Variants in LRBA observed in about 807,000 individuals in gnomAD.
LRBA encodes the protein lipopolysaccharide-responsive and beige-like anchor protein.
In LRBA, 176 loss-of-function variants were observed where a neutral mutation model predicts 330.0. The ratio of observed to expected loss-of-function variants is 0.53; its 90% CI spans 0.47 to 0.60. The LOEUF (loss-of-function observed/expected upper bound fraction) is 0.60, where lower values mean the gene tolerates loss of function less well. Among genes scored for constraint, LRBA ranks in the 20% least tolerant of loss-of-function variants. The pLI is 0.00. For missense variants in LRBA, 3,259 were observed against 3,444.8 expected (o/e 0.95, Z 1.35); for synonymous variants, 1,230 against 1,193.0 (o/e 1.03, Z -0.64).
At chr4:150,681,142 T>C (rs1200908264) in intron 37 of LRBA, among the ~76,000 whole-genome samples, 1 of 152,248 alleles carries the variant, frequency 6.6e-6, no homozygotes, top group African/African-American at 2.4e-5. Flanking sequence ...ATATTTCTTT[T>C]AGCAGGCTTA....
At chr4:150,361,171 C>T (rs1439548398) in intron 47 of LRBA, among the ~76,000 whole-genome samples, 1 of 152,164 alleles carries the variant, frequency 6.6e-6, no homozygotes, top group Non-Finnish European at 1.5e-5. Context: ...TCTCTGTCTA[C>T]TCCTAGAGAT....
At chr4:150,306,162 G>A (rs550086329) in intron 52 of LRBA, among the ~76,000 whole-genome samples, 1 of 152,116 alleles carries the variant, frequency 6.6e-6, no homozygotes, top group Non-Finnish European at 1.5e-5. Context: ...CCAGGGGAAG[G>A]TTTTATTGTT....
chr4:150,585,047 T>C (rs1771922326), intron 40 of LRBA, among the ~76,000 whole-genome samples: 1 of 152,204 alleles, frequency 6.6e-6, no homozygotes, highest in Non-Finnish European at 1.5e-5. Context: ...TGTGCTTTCT[T>C]ATGCCATAAT....
intron 35 of LRBA, among the ~76,000 whole-genome samples, chr4:150,740,404 T>C (rs1731786581): frequency 1.3e-5 from 2 of 151,970 alleles, no homozygotes; most frequent in African/African-American, 4.8e-5. Context: ...AGTTAGTTAT[T>C]TGAAATACTG....
At chr4:150,537,530 A>T (rs1435687640) in intron 40 of LRBA, among the ~76,000 whole-genome samples, 1 of 152,240 alleles carries the variant, frequency 6.6e-6, no homozygotes, top group East Asian at 1.9e-4. Flanking sequence ...GAAACTATCA[A>T]CCAAGTAAAC....
intron 48 of LRBA, among the ~76,000 whole-genome samples, chr4:150,341,976 C>A (rs947791626): frequency 6.6e-6 from 1 of 151,282 alleles, no homozygotes; most frequent in Non-Finnish European, 1.5e-5. Context: ...AAGGAAAATA[C>A]TTATGTTAAA....
chr4:150,824,105 C>T (rs1020674454), intron 30 of LRBA, among the ~76,000 whole-genome samples: 1 of 151,986 alleles, frequency 6.6e-6, no homozygotes, highest in African/African-American at 2.4e-5. Context: ...TTAGTTTTTG[C>T]ATCAATGTTT....
intron 36 of LRBA, among the ~76,000 whole-genome samples, chr4:150,689,949 C>G (rs1783969528): frequency 6.6e-6 from 1 of 151,376 alleles, no homozygotes; most frequent in Non-Finnish European, 1.5e-5. Context: ...AAAAAATTTA[C>G]AACAGCATGA....
At chr4:150,524,517 C>T (rs1763255923) in intron 40 of LRBA, among the ~76,000 whole-genome samples, 1 of 152,056 alleles carries the variant, frequency 6.6e-6, no homozygotes, top group Admixed American at 6.6e-5. Context: ...AATAAACCAG[C>T]CCAAGCATAA....
intron 47 of LRBA, among the ~76,000 whole-genome samples, chr4:150,357,025 A>G (rs1201778447): frequency 2.0e-5 from 3 of 152,030 alleles, no homozygotes; most frequent in Non-Finnish European, 4.4e-5. Flanking sequence ...AAATTGTATC[A>G]GACAGTTTTA....
At chr4:150,406,734 A>T (rs1232196656) in intron 47 of LRBA, among the ~76,000 whole-genome samples, 2 of 152,202 alleles carry the variant, frequency 1.3e-5, no homozygotes, top group Non-Finnish European at 2.9e-5. Flanking sequence ...TGGAATCTGT[A>T]AAATGCTACA....
At chr4:150,273,214 C>T (rs1048987213) in intron 56 of LRBA, among the ~76,000 whole-genome samples, 23 of 152,226 alleles carry the variant, frequency 1.5e-4, no homozygotes, top group African/African-American at 5.5e-4. Flanking sequence ...CCAAACTAAG[C>T]TTCATAAGCA....
At chr4:150,653,012 A>G (rs1389502612) in intron 37 of LRBA, among the ~76,000 whole-genome samples, 1 of 152,066 alleles carries the variant, frequency 6.6e-6, no homozygotes, top group Non-Finnish European at 1.5e-5. Context: ...TTCTAATTCT[A>G]TTATTCCTTC....
chr4:150,773,909 T>A (rs889334558), intron 34 of LRBA, among the ~76,000 whole-genome samples: 1 of 152,212 alleles, frequency 6.6e-6, no homozygotes. Flanking sequence ...GGACTCATTG[T>A]CACTTCAGAG....
intron 2 of LRBA, among the ~76,000 whole-genome samples, chr4:151,000,553 CACTT>C (rs2149649438): frequency 6.6e-6 from 1 of 152,290 alleles, no homozygotes; most frequent in Admixed American, 6.5e-5. Flanking sequence ...AGAGGGTAGT[CACTT>C]AGTAAAGTGA....
chr4:150,490,966 G>T lies in LRBA; in HGVS notation c.6400C>A (p.Arg2134Ser), dbSNP rs757445725. 5.6e-6 allele frequency: 9 copies of T among 1,609,388 alleles called. No homozygotes were observed. The African/African-American group carries it at 9.4e-5, about 17-fold the overall frequency. ...FTEIRSIFSR[R>S]YLLQNTALEI... ...AGGGCTGTATTTTGCAAAAGATAAC[G>T]ACGAGAAAAGATTGATCGTATCTCT... Residue 2134 changes from arginine (R) to serine (S), a missense_variant, in exon 41 of 57, where the codon CGT (arginine) becomes AGT (serine). Arg to Ser is a moderately radical substitution (Grantham distance 110). Transcript: ENST00000651943.
chr4:150,985,871 T>C (rs1364887753), intron 2 of LRBA, among the ~76,000 whole-genome samples: 1 of 152,214 alleles, frequency 6.6e-6, no homozygotes, highest in Non-Finnish European at 1.5e-5. Flanking sequence ...CTAAGAATGA[T>C]AGTTAAAAAT....
At chr4:150,776,058 T>C (rs750345534) in intron 34 of LRBA, among the ~76,000 whole-genome samples, 15 of 152,196 alleles carry the variant, frequency 9.9e-5, no homozygotes, top group African/African-American at 2.2e-4. Context: ...GAAAGTATAT[T>C]AGAAAGAAGC....
intron 32 of LRBA, 31 bp downstream of exon 32, chr4:150,808,289 A>G: frequency 7.0e-7 from 1 of 1,420,248 alleles, no homozygotes; most frequent in Non-Finnish European, 9.9e-7. Flanking sequence ...AAAGGTATAA[A>G]TCACAATATT....
Sources: allele counts gnomAD v4.1 joint callset (sites outside exome capture counted in the v4.1 genomes callset), GRCh38; gene constraint gnomAD v4.1.1; transcripts MANE v1.5; gene names NCBI Gene and HGNC (gene_info 2026-07-23, HGNC 2026-07-21).